The following GALNS variants were observed in gnomAD, a reference collection of about 807,000 sequenced individuals.
GALNS encodes the protein N-acetylgalactosamine-6-sulfatase.
In GALNS, 65 loss-of-function variants were observed where a neutral mutation model predicts 65.9. The ratio of observed to expected loss-of-function variants is 0.99; its 90% CI spans 0.81 to 1.21. The LOEUF is 1.21. Ranked by LOEUF, GALNS falls within the 50% of genes most tolerant of loss-of-function variation. The probability of loss-of-function intolerance (pLI) is 0.00; values close to 1 mark genes in which losing one functional copy is unlikely to be tolerated. For synonymous variants in GALNS, 346 were observed against 288.9 expected, an observed-to-expected ratio of 1.20 and a Z score of -2.00; for missense variants, 776 against 700.7, an observed-to-expected ratio of 1.11 and a Z score of -1.21.
At chr16:88,819,096 T>C (rs1909936924) in intron 12 of GALNS, among the ~76,000 whole-genome samples, 1 of 152,256 alleles carries the variant, frequency 6.6e-6, no homozygotes, top group African/African-American at 2.4e-5. Flanking sequence ...CTCAGCAGTC[T>C]GTGAGAACTG....
chr16:88,837,897 C>A (rs1912311653), intron 4 of GALNS, 132 bp from the exon 5 acceptor site: 4 of 904,918 alleles, frequency 4.4e-6, no homozygotes. Flanking sequence ...ATGGGCTATG[C>A]CTGGGCACGG....
chr16:88,826,290 G>C (rs1165669261), intron 10 of GALNS, among the ~76,000 whole-genome samples: 1 of 150,170 alleles, frequency 6.7e-6, no homozygotes, highest in African/African-American at 2.5e-5. Flanking sequence ...GAACAGGGGT[G>C]GGGCGGACAG....
chr16:88,815,184 C>T (rs2142970488), intron 13 of GALNS: 1 of 985,476 alleles, frequency 1.0e-6, no homozygotes, highest in Non-Finnish European at 1.2e-6. Flanking sequence ...CTTGACTCGG[C>T]CTCTCAGCTC....
intron 13 of GALNS, chr16:88,817,078 G>A: frequency 1.0e-6 from 1 of 985,460 alleles, no homozygotes; most frequent in Non-Finnish European, 1.2e-6. Context: ...GAGCTGTGAA[G>A]ACCTGCCCTG....
chr16:88,816,785 G>A (rs966949635), intron 13 of GALNS: 3 of 985,464 alleles, frequency 3.0e-6, no homozygotes, highest in Admixed American at 6.1e-5. Context: ...GCCCTGGAAA[G>A]AGGCTTCAGC....
chr16:88,833,733 A>C (rs1254582628), intron 8 of GALNS, among the ~76,000 whole-genome samples: 1 of 152,106 alleles, frequency 6.6e-6, no homozygotes, highest in Non-Finnish European at 1.5e-5. Context: ...TACAGGTGTG[A>C]GCCACCACGC....
intron 8 of GALNS, among the ~76,000 whole-genome samples, chr16:88,834,696 G>A (rs956375101): frequency 6.6e-6 from 1 of 151,914 alleles, no homozygotes; most frequent in African/African-American, 2.4e-5. Flanking sequence ...GGATGGGTCA[G>A]GCATTCATCA....
At chr16:88,815,704 G>T (rs1380637962) in intron 13 of GALNS, 5 of 985,348 alleles carry the variant, frequency 5.1e-6, no homozygotes, top group Non-Finnish European at 6.0e-6. Flanking sequence ...GCTGCTCAGG[G>T]TACTAAGGAC....
intron 1 of GALNS, chr16:88,855,556 C>G (rs759052010): frequency 1.4e-6 from 1 of 700,110 alleles, no homozygotes; most frequent in South Asian, 1.5e-5. Context: ...GATGGAAAAG[C>G]AGCTGCCCAG....
intron 4 of GALNS, among the ~76,000 whole-genome samples, chr16:88,839,669 A>C (rs984853220): frequency 6.6e-6 from 1 of 152,104 alleles, no homozygotes; most frequent in Non-Finnish European, 1.5e-5. Context: ...CCGCTGTAGG[A>C]CCCAGCCCGG....
chr16:88,854,078 G>C (rs1325148536), intron 1 of GALNS, among the ~76,000 whole-genome samples: 1 of 152,254 alleles, frequency 6.6e-6, no homozygotes. Flanking sequence ...CAGAGGACTG[G>C]ATAGGGGGAG....
At chr16:88,846,209 A>G (rs1301447801) in intron 1 of GALNS, among the ~76,000 whole-genome samples, 1 of 152,232 alleles carries the variant, frequency 6.6e-6, no homozygotes, top group Non-Finnish European at 1.5e-5. Flanking sequence ...AGTGTAGCTC[A>G]GCATGTGACC....
chr16:88,813,949 T>C lies in GALNS; in HGVS notation c.*490A>G, dbSNP rs1231646426. On this transcript the variant is annotated 3_prime_UTR_variant, in exon 14 of 14. Transcript: ENST00000268695. ...CTTACTGTTTACATAAAAATGCGGA[T>C]TCACTGGGCCAGACTCAATCGTGTA... is the stretch of plus-strand genomic sequence containing the variant. The C allele has an allele frequency of 4.9e-6, 1 of 202,552 alleles. No homozygotes were observed. The allele number at this position is 202,552 out of a possible 1,614,324, so 12.5% of individuals were successfully genotyped here. A position where few individuals can be genotyped will look rare whatever the true frequency, so the allele number is the denominator to read the frequency against.
chr16:88,828,485 G>A (rs1332460992), intron 9 of GALNS, among the ~76,000 whole-genome samples: 4 of 152,220 alleles, frequency 2.6e-5, no homozygotes, highest in Non-Finnish European at 4.4e-5. Flanking sequence ...CTGCCCAGAG[G>A]GAACTGTCGG....
At chr16:88,825,534 C>T (rs554770488) in intron 10 of GALNS, among the ~76,000 whole-genome samples, 5 of 123,824 alleles carry the variant, frequency 4.0e-5, no homozygotes, top group East Asian at 2.3e-4. Context: ...TCTGGGCAGC[C>T]GGGGCTGGGG....
intron 12 of GALNS, 77 bp from the exon 13 acceptor site, chr16:88,818,201 G>A: frequency 8.6e-7 from 1 of 1,169,496 alleles, no homozygotes; most frequent in Non-Finnish European, 1.2e-6. Flanking sequence ...GACAGGCTGA[G>A]GCTGCAGAGC....
chr16:88,838,766 G>A (rs1230182334), intron 4 of GALNS: 1 of 152,322 alleles, frequency 6.6e-6, no homozygotes, highest in African/African-American at 2.4e-5. Flanking sequence ...CCGTGGGCGG[G>A]TCTCACGTCA....
At chr16:88,814,626 C>G (rs968918002) in intron 13 of GALNS, 101 bp from the exon 14 acceptor site, 1 of 1,533,116 alleles carries the variant, frequency 6.5e-7, no homozygotes, top group African/African-American at 1.4e-5. Context: ...GACAGTCTCA[C>G]TCTGTCACCC....
chr16:88,842,229 G>A, intron 2 of GALNS: 1 of 598,624 alleles, frequency 1.7e-6, no homozygotes, highest in Non-Finnish European at 3.0e-6. Flanking sequence ...CCTTTCGCAG[G>A]CTCCTGGGAC....
Sources: allele counts gnomAD v4.1 joint callset (sites outside exome capture counted in the v4.1 genomes callset), GRCh38; gene constraint gnomAD v4.1.1; transcripts MANE v1.5; gene names NCBI Gene and HGNC (gene_info 2026-07-23, HGNC 2026-07-21).